The following AK9 variants were observed in gnomAD, a reference collection of about 807,000 sequenced individuals.
The protein encoded by AK9 is adenylate kinase domain containing 1.
In AK9, 191 loss-of-function variants were observed where a neutral mutation model predicts 239.6. That is an observed-to-expected ratio of 0.80 (90% CI 0.71 to 0.90). AK9 has a LOEUF of 0.90. Ranked by LOEUF, AK9 falls within the 40% of genes least tolerant of loss-of-function variation. AK9 has a pLI of 0.00. For missense variants in AK9, 1,995 were observed against 2,214.7 expected (o/e 0.90, Z 1.99); for synonymous variants, 689 against 721.0 (o/e 0.96, Z 0.71).
chr6:109,689,082 G>A (rs936602880), intron 1 of AK9, among the ~76,000 whole-genome samples: 1 of 152,212 alleles, frequency 6.6e-6, no homozygotes, highest in African/African-American at 2.4e-5. Context: ...CAGCAGAAGT[G>A]TTGGCCAAGA....
At chr6:109,626,394 T>G (rs1795532839) in intron 12 of AK9, among the ~76,000 whole-genome samples, 1 of 152,216 alleles carries the variant, frequency 6.6e-6, no homozygotes, top group Non-Finnish European at 1.5e-5. Context: ...TGTTGGACAT[T>G]GTGGATGATA....
intron 20 of AK9, among the ~76,000 whole-genome samples, chr6:109,575,206 T>C (rs145818836): frequency 3.9e-5 from 6 of 152,220 alleles, no homozygotes; most frequent in East Asian, 1.9e-4. Context: ...AGTAGTGGAA[T>C]TGCTGGATCA....
chr6:109,546,708 C>T (rs926063125), intron 25 of AK9, among the ~76,000 whole-genome samples: 1 of 152,078 alleles, frequency 6.6e-6, no homozygotes, highest in Non-Finnish European at 1.5e-5. Context: ...GTAGGATAAG[C>T]CTCAAAGGGG....
chr6:109,576,786 C>A (rs1788142242), intron 20 of AK9, among the ~76,000 whole-genome samples: 1 of 150,358 alleles, frequency 6.7e-6, no homozygotes. Context: ...ATGCTTTTAG[C>A]TTTTCCCCTT....
chr6:109,512,845 T>G (rs1778893621), intron 32 of AK9, among the ~76,000 whole-genome samples: 1 of 152,174 alleles, frequency 6.6e-6, no homozygotes, highest in Non-Finnish European at 1.5e-5. Flanking sequence ...TTTCCAGAAA[T>G]GATTAAGATA....
intron 3 of AK9, among the ~76,000 whole-genome samples, chr6:109,673,982 AT>A (rs1477740306): frequency 1.5e-4 from 23 of 151,712 alleles, no homozygotes; most frequent in South Asian, 6.2e-4. Flanking sequence ...AAAAAAAAAA[AT>A]AATAATTAAT....
chr6:109,650,223 A>C (rs1372805071), intron 8 of AK9, among the ~76,000 whole-genome samples: 3 of 151,678 alleles, frequency 2.0e-5, no homozygotes, highest in Non-Finnish European at 3.0e-5. Flanking sequence ...ACAAAAGCCA[A>C]AATTGACAAA....
intron 35 of AK9, among the ~76,000 whole-genome samples, chr6:109,500,311 T>G (rs182061232): frequency 6.6e-6 from 1 of 152,260 alleles, no homozygotes; most frequent in African/African-American, 2.4e-5. Flanking sequence ...TGAACAAGAT[T>G]AAGAGTTTTC....
In AK9 at chr6:109,628,504, C is replaced by A. The variant is rs527405608; in HGVS notation, c.1254+4419G>T. On this transcript the variant is annotated intron_variant, in intron 12 of 40. Transcript: ENST00000424296. ...GGAGCTCATCTCATGAGTTTCTCTT[C>A]CCGCAGGGATCACGTTAGGAGGGTT... Among the ~76,000 whole-genome samples the A allele has an allele frequency of 2.0e-5, 3 of 152,278 alleles. No homozygotes were observed. The South Asian group carries it at 6.2e-4, about 32-fold the overall frequency.
chr6:109,634,890 G>T (rs1583346490), intron 10 of AK9, among the ~76,000 whole-genome samples: 1 of 152,200 alleles, frequency 6.6e-6, no homozygotes, highest in Non-Finnish European at 1.5e-5. Context: ...TCTCTAAAAG[G>T]TTAAGTATTT....
chr6:109,530,511 T>C lies in AK9; in HGVS notation c.3571-1438A>G, dbSNP rs1163044849. ...AATGTGGAGTTGTGAAAACATAGTC[T>C]CTTTTGTGTTTTCATAAAACATAAA... is the stretch of plus-strand genomic sequence containing the variant. On this transcript the variant is annotated intron_variant, in intron 28 of 40. Coordinates refer to ENST00000424296, the MANE Select transcript of AK9 (RefSeq NM_001145128.3). Among the ~76,000 whole-genome samples, 7 of 152,328 alleles carry C rather than the reference T, an allele frequency of 4.6e-5. No homozygotes were observed. The East Asian group carries it at 1.4e-3, about 29-fold the overall frequency.
At chr6:109,609,820 C>A (rs1467932265) in intron 17 of AK9, among the ~76,000 whole-genome samples, 1 of 152,138 alleles carries the variant, frequency 6.6e-6, no homozygotes, top group African/African-American at 2.4e-5. Context: ...CAAAACAGAC[C>A]CATATGAATA....
chr6:109,588,106 T>C (rs965795629), intron 17 of AK9, among the ~76,000 whole-genome samples: 1 of 152,048 alleles, frequency 6.6e-6, no homozygotes, highest in Non-Finnish European at 1.5e-5. Flanking sequence ...AGTTTCGCTC[T>C]GTCGCCCAGG....
intron 8 of AK9, among the ~76,000 whole-genome samples, chr6:109,646,277 C>T (rs1249627708): frequency 6.6e-6 from 1 of 152,034 alleles, no homozygotes; most frequent in African/African-American, 2.4e-5. Flanking sequence ...TTCAGAAGGT[C>T]GGTAATAACA....
intron 17 of AK9, among the ~76,000 whole-genome samples, chr6:109,600,743 C>T (rs1405251249): frequency 6.6e-6 from 1 of 152,130 alleles, no homozygotes; most frequent in Admixed American, 6.5e-5. Context: ...TTAATTATTG[C>T]CTCAATTTCA....
chr6:109,588,749 T>C (rs1360752884), intron 17 of AK9, among the ~76,000 whole-genome samples: 1 of 152,196 alleles, frequency 6.6e-6, no homozygotes, highest in Non-Finnish European at 1.5e-5. Flanking sequence ...ATGTTAATTT[T>C]GTATCTGGTG....
chr6:109,582,165 A>G (rs1055506816), intron 19 of AK9, among the ~76,000 whole-genome samples: 6 of 152,224 alleles, frequency 3.9e-5, no homozygotes, highest in Non-Finnish European at 7.3e-5. Context: ...ACACATAAGG[A>G]GAATGAATGT....
At position 109,685,613 on chromosome 6, in the gene AK9, G is replaced by T. The variant is rs1245684959; in HGVS notation, c.-12+5534C>A. 2.0e-5 allele frequency among the ~76,000 whole-genome samples: 3 copies of T among 152,206 alleles called. No individual in the cohort carries two copies. In the East Asian group the frequency reaches 5.8e-4, roughly 29 times the overall value. On this transcript the variant is annotated intron_variant, in intron 1 of 40. Transcript: ENST00000424296. ...GGCTATGGGAGGGATAACACTAGGA[G>T]AAATACCTAACGTAGGTGATGGGTT...
At chr6:109,607,426 T>C (rs1468209660) in intron 17 of AK9, among the ~76,000 whole-genome samples, 2 of 152,220 alleles carry the variant, frequency 1.3e-5, no homozygotes, top group African/African-American at 2.4e-5. Context: ...TTTCTTGTCA[T>C]TATTCCCTAA....
Sources: gnomAD v4.1 joint callset for allele counts (sites outside exome capture counted in the v4.1 genomes callset) on GRCh38, gnomAD v4.1.1 for gene constraint, MANE v1.5 for transcripts, NCBI Gene and HGNC (gene_info 2026-07-23, HGNC 2026-07-21) for gene names.